Variants in GIT1 observed in about 807,000 individuals in gnomAD.
GIT1 encodes the protein GIT ArfGAP 1.
In GIT1, 14 loss-of-function variants were observed where a neutral mutation model predicts 91.7. The observed-to-expected ratio is 0.15, with a 90% CI of 0.10 to 0.24. The LOEUF (loss-of-function observed/expected upper bound fraction) is 0.24. Among genes scored for constraint, GIT1 ranks in the 10% least tolerant of loss-of-function variants. The probability of loss-of-function intolerance (pLI) is 1.00; values close to 1 mark genes in which losing one functional copy is unlikely to be tolerated. For synonymous variants in GIT1, 414 were observed against 418.2 expected (o/e 0.99, Z 0.12); for missense variants, 717 against 1,024.9 (o/e 0.70, Z 4.10).
At chr17:29,580,857 C>T (rs952548388) in intron 7 of GIT1, among the ~76,000 whole-genome samples, 1 of 151,744 alleles carries the variant, frequency 6.6e-6, no homozygotes, top group African/African-American at 2.4e-5. Flanking sequence ...CTCGGCTCAC[C>T]GCAACCTCTA....
rs749336952 is a variant in GIT1 at position 29,578,249 on chromosome 17, C to T, written c.883+50G>A. On this transcript the variant is annotated intron_variant, in intron 9 of 19. Transcript: ENST00000225394. ...CCCAGTAAAGGACCAGAGACCCATG[C>T]CTGGGCCGCTCGGGTCCTCCACGCC... is the stretch of plus-strand genomic sequence containing the variant. 3.4e-6 allele frequency: 5 copies of T among 1,458,838 alleles called. No homozygotes were observed. In the South Asian group the frequency reaches 5.7e-5, roughly 17 times the overall value. 90.4% of individuals were successfully genotyped at this position (1,458,838 alleles called of 1,614,324 possible).
intron 9 of GIT1, 65 bp downstream of exon 9, chr17:29,578,234 G>A (rs1222372142): frequency 1.5e-6 from 2 of 1,306,564 alleles, no homozygotes; most frequent in Admixed American, 1.7e-5. Flanking sequence ...CCCAGTAAAG[G>A]ACCAGAGACC....
Position 29,575,713 on chromosome 17 carries a change from G to A in GIT1, c.1753-10C>T, listed in dbSNP as rs551350378. 136 of 1,612,278 alleles carry A rather than the reference G, an allele frequency of 8.4e-5. No individual in the cohort carries two copies. Among genetic ancestry groups the A allele is most frequent in the Non-Finnish European group, 1.1e-4 (127 of 1,179,784 alleles). On this transcript the variant is annotated splice_polypyrimidine_tract_variant and intron_variant, in intron 16 of 19. Transcript: ENST00000225394. The surrounding 1 kb of genome is among the most constrained non-coding windows in gnomAD (Gnocchi z 5.5). Reference sequence around the variant, plus strand: ...GGCGGGAAAGCTTGCTCTGGAGGGCGGAGGGAAGGGGCTGTGAGCGCCGTG... The same window carrying A: ...GGCGGGAAAGCTTGCTCTGGAGGGCAGAGGGAAGGGGCTGTGAGCGCCGTG...
chr17:29,578,709 G>A lies in GIT1; in HGVS notation c.810+22C>T, dbSNP rs960087690. On this transcript the variant is annotated intron_variant, in intron 8 of 19. Transcript: ENST00000225394. The stretch of plus-strand genomic sequence containing the variant: ...GAGAGGGGCCAGCTTCAAGTGTCAG[G>A]GCACTGTTGGAGCAGACTTACCGCC... The A allele has an allele frequency of 7.5e-6, 12 of 1,607,250 alleles. No individual in the cohort carries two copies. In the African/African-American group the frequency reaches 1.5e-4, roughly 20 times the overall value.
Position 29,581,821 on chromosome 17 carries a change from A to T in GIT1, c.639T>A (p.His213Gln). 6.2e-7 allele frequency: 1 copy of T among 1,609,978 alleles called. No homozygotes were observed. The highest frequency in any genetic ancestry group is 2.2e-5 in the East Asian group (1 of 44,840). ...ACTCAACCAGCCTTTCCGCCAGCTC[A>T]TGGTGCCCCGCCTGCCTGTGAGGAG... ...PIDYARQAGH[H>Q]ELAERLVECQ... The change falls in exon 6 of 20, where the codon CAT (histidine) becomes CAA (glutamine). Residue 213 changes from histidine (H) to glutamine (Q), a missense_variant. His to Gln is a conservative substitution (Grantham distance 24). Transcript: ENST00000225394. The surrounding 1 kb of genome is among the most constrained non-coding windows in gnomAD (Gnocchi z 4.8).
At chr17:29,588,753 C>T (rs191351929) in intron 1 of GIT1, among the ~76,000 whole-genome samples, 29 of 152,300 alleles carry the variant, frequency 1.9e-4, no homozygotes, top group African/African-American at 7.0e-4. Context: ...CGGCAAGGAG[C>T]GCTAGCCTTA....
At chr17:29,584,763 T>C (rs1230741877) in intron 1 of GIT1, among the ~76,000 whole-genome samples, 1 of 152,084 alleles carries the variant, frequency 6.6e-6, no homozygotes, top group Non-Finnish European at 1.5e-5. Context: ...AGGGACAGGC[T>C]TAGGGGGATA....
rs981847487 is a variant in GIT1, at chr17:29,575,782, C to T, written c.1752+30G>A. ...CCCTAGCCCACACGGCCCCCAGCCA[C>T]CCTGTGGGCACTGGGCATGGAAACA... is the stretch of plus-strand genomic sequence containing the variant. On this transcript the variant is annotated intron_variant, in intron 16 of 19. Transcript: ENST00000225394. This position sits in a 1 kb window ranked among gnomAD's most constrained non-coding sequence, Gnocchi z 5.5. 1 of 1,609,366 alleles carries T rather than the reference C, an allele frequency of 6.2e-7. No individual in the cohort carries two copies. The highest frequency in any genetic ancestry group is 8.5e-7 in the Non-Finnish European group (1 of 1,176,162).
At chr17:29,587,901 A>G (rs2033646374) in intron 1 of GIT1, among the ~76,000 whole-genome samples, 1 of 152,174 alleles carries the variant, frequency 6.6e-6, no homozygotes, top group African/African-American at 2.4e-5. Flanking sequence ...GGCAAGGTGC[A>G]TCCTCAGCCC....
chr17:29,575,569 C>T lies in GIT1; in HGVS notation c.1826+61G>A. 4 of 1,570,468 alleles carry T rather than the reference C, an allele frequency of 2.5e-6. No individual in the cohort carries two copies. Among genetic ancestry groups the T allele is most frequent in the Non-Finnish European group, 3.5e-6 (4 of 1,148,282 alleles). On this transcript the variant is annotated intron_variant, in intron 17 of 19. Coordinates refer to ENST00000225394, the MANE Select transcript of GIT1 (RefSeq NM_014030.4). The surrounding 1 kb of genome is among the most constrained non-coding windows in gnomAD (Gnocchi z 5.5). ...GCCTTGGTCCTCACACACTGGGGGC[C>T]CTCTCAACCTCCCCGCCTCGGCATG...
chr17:29,584,959 C>CTTTTTTT (rs11419578), intron 1 of GIT1, among the ~76,000 whole-genome samples: 6 of 102,396 alleles, frequency 5.9e-5, no homozygotes, highest in African/African-American at 1.5e-4. Flanking sequence ...TGGGTTTAGG[C>CTTTTTTT]TTTTTTTTTT....
Position 29,575,153 on chromosome 17 carries a change from A to G in GIT1, c.2010-11T>C. 1 of 1,590,964 alleles carries G rather than the reference A, an allele frequency of 6.3e-7. No individual in the cohort carries two copies. On this transcript the variant is annotated splice_polypyrimidine_tract_variant and intron_variant, in intron 18 of 19. Transcript: ENST00000225394. The surrounding 1 kb of genome is among the most constrained non-coding windows in gnomAD (Gnocchi z 5.5). ...GAGCAGGGCACGAAGCTGCGGGGAGAAGGGAGGCTATAAAGCAGGGGGCTC... is the reference window on the plus strand; with the variant it reads ...GAGCAGGGCACGAAGCTGCGGGGAGGAGGGAGGCTATAAAGCAGGGGGCTC...
chr17:29,583,570 C>T lies in GIT1; in HGVS notation c.99G>A (p.Glu33=). The change falls in exon 2 of 20, where the codon GAG becomes GAA. Residue 33 remains glutamate (E), a synonymous_variant. Transcript: ENST00000225394. ...SISRGVLVCD[E]CCSVHRSLGR... ...CCAGGCTCCGGTGCACGCTGCAGCACTCGTCACACACCAGCACACCCCTGC... is the reference window on the plus strand; with the variant it reads ...CCAGGCTCCGGTGCACGCTGCAGCATTCGTCACACACCAGCACACCCCTGC... 1 of 1,608,980 alleles carries T rather than the reference C, an allele frequency of 6.2e-7. No homozygotes were observed.
At chr17:29,579,204 C>G (rs2033316221) in intron 7 of GIT1, 5 of 583,740 alleles carry the variant, frequency 8.6e-6, no homozygotes, top group Non-Finnish European at 1.5e-5. Context: ...CCACCAGTGT[C>G]AGCCACCTGG....
chr17:29,577,594 G>T, intron 10 of GIT1, 51 bp downstream of exon 10: 3 of 1,175,964 alleles, frequency 2.6e-6, no homozygotes, highest in South Asian at 2.4e-5. Context: ...GATGAGGAGG[G>T]ACCGCGGGGA....
chr17:29,588,443 ACT>A (rs1201334063), intron 1 of GIT1, among the ~76,000 whole-genome samples: 1 of 152,036 alleles, frequency 6.6e-6, no homozygotes, highest in Admixed American at 6.6e-5. Context: ...CCCAGTCCTA[ACT>A]CTGTTAGGAA....
rs530737802 is a variant in GIT1, at chr17:29,581,633, TC to T, written c.718+108del. The T allele has an allele frequency of 6.0e-6, 5 of 835,076 alleles. No individual in the cohort carries two copies. Among genetic ancestry groups the T allele is most frequent in the South Asian group, 4.4e-5 (3 of 67,702 alleles). The allele number at this position is 835,076 out of a possible 1,614,324, so 51.7% of individuals were successfully genotyped here. The stretch of plus-strand genomic sequence containing the variant: ...GGAGCCAGTTGCCTAGCAACATTGC[TC>T]CCCAGCCGCTCTGTCACCATGGCAC... On this transcript the variant is annotated intron_variant, in intron 6 of 19. Transcript: ENST00000225394. The surrounding 1 kb of genome is among the most constrained non-coding windows in gnomAD (Gnocchi z 4.8).
At position 29,574,616 on chromosome 17, in the gene GIT1, G is replaced by C. The variant is rs982819015; in HGVS notation, c.*86C>G. 1 of 1,142,872 alleles carries C rather than the reference G, an allele frequency of 8.7e-7. No homozygotes were observed. The highest frequency in any genetic ancestry group is 1.3e-6 in the Non-Finnish European group (1 of 760,768). 70.8% of individuals were successfully genotyped at this position (1,142,872 alleles called of 1,614,324 possible). On this transcript the variant is annotated 3_prime_UTR_variant, in exon 20 of 20. Transcript: ENST00000225394. ...TAAGGGCACTTGTGCCAGTGGCTCT[G>C]TTGGGGTGGGGATTAATGTCTGGAG...
chr17:29,578,545 GA>G (rs1285192720), intron 8 of GIT1, among the ~76,000 whole-genome samples, 174 bp from the exon 9 acceptor site: 1 of 152,348 alleles, frequency 6.6e-6, no homozygotes, highest in East Asian at 1.9e-4. Context: ...TCCAAGGTGG[GA>G]GAGAAGGGAC....
Sources: gnomAD v4.1 joint callset for allele counts (sites outside exome capture counted in the v4.1 genomes callset) on GRCh38, gnomAD v4.1.1 for gene constraint, Gnocchi (gnomAD v3.1) non-coding constraint, MANE v1.5 for transcripts, NCBI Gene and HGNC (gene_info 2026-07-23, HGNC 2026-07-21) for gene names.